SLC4A10: variants seen among roughly 807,000 people sequenced by gnomAD.
SLC4A10 encodes the protein sodium-driven chloride bicarbonate exchanger.
Under a neutral mutation model 137.7 loss-of-function variants are expected in SLC4A10, and 42 were observed. The observed-to-expected ratio is 0.30, with a 90% CI of 0.24 to 0.39. The LOEUF is 0.39. Ranked by LOEUF, SLC4A10 falls within the 10% of genes least tolerant of loss-of-function variation. The pLI, the probability that SLC4A10 is intolerant of heterozygous loss-of-function variation, is 1.00. For synonymous variants in SLC4A10, 474 were observed against 464.1 expected, an observed-to-expected ratio of 1.02 and a Z score of -0.27; for missense variants, 925 against 1,355.0, an observed-to-expected ratio of 0.68 and a Z score of 4.98.
intron 1 of SLC4A10, among the ~76,000 whole-genome samples, chr2:161,687,781 T>C (rs898391870): frequency 6.6e-6 from 1 of 152,206 alleles, no homozygotes; most frequent in Non-Finnish European, 1.5e-5. Flanking sequence ...CGAGATCTCA[T>C]GATTTTACAA....
intron 8 of SLC4A10, 102 bp downstream of exon 8, chr2:161,874,107 C>T (rs2061321927): frequency 8.5e-7 from 1 of 1,179,492 alleles, no homozygotes; most frequent in Admixed American, 2.1e-5. Context: ...TGTATTCCAT[C>T]TGCCACTCTA....
rs562634973 is a variant in SLC4A10 at position 161,983,995 on chromosome 2, C to T, written c.*843C>T. On this transcript the variant is annotated 3_prime_UTR_variant, in exon 27 of 27. Coordinates refer to ENST00000446997, the MANE Select transcript of SLC4A10 (RefSeq NM_001178015.2). ...TTTATCAGAAATATACTAAGTTTGT[C>T]TCCCACTGACAACAGATGTTTTCCA... 6.6e-6 allele frequency: 1 copy of T among 152,268 alleles called. No individual in the cohort carries two copies. The highest frequency in any genetic ancestry group is 1.5e-5 in the Non-Finnish European group (1 of 68,008). The allele number at this position is 152,268 out of a possible 1,614,324, so 9.4% of individuals were successfully genotyped here.
chr2:161,728,439 G>A (rs1024140153), intron 1 of SLC4A10, among the ~76,000 whole-genome samples: 1 of 151,862 alleles, frequency 6.6e-6, no homozygotes, highest in Non-Finnish European at 1.5e-5. Context: ...AGCTGGGCAT[G>A]GTGGTGTGCC....
At chr2:161,687,177 G>A (rs945553044) in intron 1 of SLC4A10, among the ~76,000 whole-genome samples, 1 of 152,112 alleles carries the variant, frequency 6.6e-6, no homozygotes, top group Non-Finnish European at 1.5e-5. Flanking sequence ...CCAGCCTTAA[G>A]AAGACTTTTT....
At chr2:161,849,196 T>C (rs1162344728) in intron 4 of SLC4A10, among the ~76,000 whole-genome samples, 1 of 152,182 alleles carries the variant, frequency 6.6e-6, no homozygotes, top group East Asian at 1.9e-4. Flanking sequence ...TTGATTTAGC[T>C]CTCAGCTTGA....
At chr2:161,973,385 G>T (rs1329901683) in intron 23 of SLC4A10, among the ~76,000 whole-genome samples, 1 of 152,108 alleles carries the variant, frequency 6.6e-6, no homozygotes, top group African/African-American at 2.4e-5. Flanking sequence ...AACGAAACCA[G>T]AATTTTCCAG....
intron 10 of SLC4A10, among the ~76,000 whole-genome samples, chr2:161,888,298 A>T (rs1448566228): frequency 6.6e-6 from 1 of 152,134 alleles, no homozygotes. Flanking sequence ...TTCCATATGA[A>T]ATTTAAAGTC....
intron 20 of SLC4A10, among the ~76,000 whole-genome samples, chr2:161,957,624 T>C (rs1352942055): frequency 1.3e-5 from 2 of 152,198 alleles, no homozygotes; most frequent in Non-Finnish European, 2.9e-5. Flanking sequence ...CAGTTAATAT[T>C]ACTTACTATT....
chr2:161,633,813 T>A (rs2033979210), intron 1 of SLC4A10, among the ~76,000 whole-genome samples: 1 of 151,736 alleles, frequency 6.6e-6, no homozygotes, highest in Non-Finnish European at 1.5e-5. Flanking sequence ...ACAATCCTTT[T>A]CCTAATAATA....
chr2:161,647,908 G>A (rs915040168), intron 1 of SLC4A10, among the ~76,000 whole-genome samples: 6 of 152,180 alleles, frequency 3.9e-5, no homozygotes, highest in African/African-American at 1.4e-4. Context: ...TCGCTGCAGA[G>A]CAATAATACC....
intron 16 of SLC4A10, among the ~76,000 whole-genome samples, chr2:161,943,199 G>C (rs1457358410): frequency 6.6e-6 from 1 of 152,036 alleles, no homozygotes; most frequent in East Asian, 1.9e-4. Context: ...CCATATGGCA[G>C]AACTAAGTCT....
At chr2:161,883,937 A>G (rs1270508454) in intron 10 of SLC4A10, among the ~76,000 whole-genome samples, 1 of 152,194 alleles carries the variant, frequency 6.6e-6, no homozygotes, top group African/African-American at 2.4e-5. Flanking sequence ...ATCTGCAAAA[A>G]TCCTTATTTC....
rs1340548424 is a variant in SLC4A10, at chr2:161,905,424, G to A, written c.1752-218G>A. Among the ~76,000 whole-genome samples, 5 of 152,250 alleles carry A rather than the reference G, an allele frequency of 3.3e-5. No homozygotes were observed. The South Asian group carries it at 6.2e-4, about 19-fold the overall frequency. ...TGAGCTCAGGCGGTAATGCTCACTC[G>A]CCTGCCACTCACCTCCTGCTGTGCA... is the stretch of plus-strand genomic sequence containing the variant. On this transcript the variant is annotated intron_variant, in intron 14 of 26. Coordinates refer to ENST00000446997, the MANE Select transcript of SLC4A10 (RefSeq NM_001178015.2).
intron 16 of SLC4A10, among the ~76,000 whole-genome samples, chr2:161,945,561 A>G (rs1361682916): frequency 6.6e-6 from 1 of 151,222 alleles, no homozygotes; most frequent in East Asian, 1.9e-4. Context: ...TTTGGTTTTC[A>G]TTTCTAAATT....
chr2:161,646,122 T>G (rs916699425), intron 1 of SLC4A10, among the ~76,000 whole-genome samples: 2 of 152,052 alleles, frequency 1.3e-5, no homozygotes, highest in Non-Finnish European at 2.9e-5. Context: ...ATAGCTTTTT[T>G]GGGAATGCAT....
chr2:161,828,835 C>G (rs1434434983), intron 3 of SLC4A10, among the ~76,000 whole-genome samples: 1 of 110,912 alleles, frequency 9.0e-6, no homozygotes, highest in Non-Finnish European at 1.9e-5. Context: ...GCATCAAATC[C>G]CTCTCTAGAG....
chr2:161,751,187 G>A (rs961734669), intron 1 of SLC4A10, among the ~76,000 whole-genome samples: 8 of 151,562 alleles, frequency 5.3e-5, no homozygotes, highest in African/African-American at 9.7e-5. Context: ...TTGTTTGTTC[G>A]TTTTCATTCA....
chr2:161,910,291 T>C (rs928138141), intron 15 of SLC4A10, among the ~76,000 whole-genome samples: 1 of 152,150 alleles, frequency 6.6e-6, no homozygotes, highest in African/African-American at 2.4e-5. Context: ...ACCTTATATT[T>C]GAAAATATAA....
intron 1 of SLC4A10, among the ~76,000 whole-genome samples, chr2:161,703,077 T>A (rs2043287395): frequency 6.6e-6 from 1 of 151,740 alleles, no homozygotes; most frequent in South Asian, 2.1e-4. Context: ...TATTGGAGAC[T>A]GTAAATAGAT....
Sources: allele counts gnomAD v4.1 joint callset (sites outside exome capture counted in the v4.1 genomes callset), GRCh38; gene constraint gnomAD v4.1.1; transcripts MANE v1.5; gene names NCBI Gene and HGNC (gene_info 2026-07-23, HGNC 2026-07-21).